Variants in UST observed in about 807,000 individuals in gnomAD.
UST encodes the protein uronyl 2-sulfotransferase.
In UST, 21 loss-of-function variants were observed where a neutral mutation model predicts 45.6. That is an observed-to-expected ratio of 0.46 (90% CI 0.33 to 0.66). UST has a LOEUF of 0.66. UST is among the 30% of genes least tolerant of loss of function. UST has a pLI of 0.02. For synonymous variants in UST, 215 were observed against 200.6 expected (o/e 1.07, Z -0.61); for missense variants, 463 against 512.4 (o/e 0.90, Z 0.93).
chr6:148,874,138 C>A (rs1447821817), intron 1 of UST, among the ~76,000 whole-genome samples: 1 of 152,198 alleles, frequency 6.6e-6, no homozygotes, highest in East Asian at 1.9e-4. Flanking sequence ...GAAACAGAAG[C>A]CTTAAGTGAT....
At chr6:148,878,144 C>CG in intron 1 of UST, among the ~76,000 whole-genome samples, 1 of 22,796 alleles carries the variant, frequency 4.4e-5, no homozygotes, top group East Asian at 1.0e-3. Context: ...TGTAAGAGTG[C>CG]GGGGGTCGTG....
chr6:149,022,758 G>A (rs17730964), intron 7 of UST, among the ~76,000 whole-genome samples: 3,862 of 152,238 alleles, frequency 0.025, 67 homozygotes, highest in Non-Finnish European at 0.038. Flanking sequence ...CCTGGATCCC[G>A]TTGCACAAGG....
intron 7 of UST, among the ~76,000 whole-genome samples, chr6:149,072,142 G>A (rs1776828113): frequency 6.6e-6 from 1 of 152,196 alleles, no homozygotes; most frequent in Admixed American, 6.5e-5. Context: ...TAATTTGGCA[G>A]TTCTTCAAAA....
intron 3 of UST, among the ~76,000 whole-genome samples, chr6:148,950,278 T>C (rs1276585376): frequency 1.3e-5 from 2 of 152,220 alleles, no homozygotes; most frequent in Admixed American, 6.5e-5. Context: ...ATGCTGATGC[T>C]GCAGGTCTGG....
rs971217367 is a variant in UST at position 149,074,879 on chromosome 6, T to A, written c.*763T>A. 4 of 152,414 alleles carry A rather than the reference T, an allele frequency of 2.6e-5. No individual in the cohort carries two copies. Among genetic ancestry groups the A allele is most frequent in the African/African-American group, 9.7e-5 (4 of 41,436 alleles). The allele number at this position is 152,414 out of a possible 1,614,324, so 9.4% of individuals were successfully genotyped here. A position where few individuals can be genotyped will look rare whatever the true frequency, so the allele number is the denominator to read the frequency against. On this transcript the variant is annotated 3_prime_UTR_variant, in exon 8 of 8. Transcript: ENST00000367463. ...ATCTCTGAAAGAGCAAGTCAGCTTG[T>A]GCCGCATCCCCAACCAATCCACAGC...
At chr6:148,807,108 C>G (rs1224505734) in intron 1 of UST, among the ~76,000 whole-genome samples, 2 of 152,056 alleles carry the variant, frequency 1.3e-5, no homozygotes, top group African/African-American at 4.8e-5. Flanking sequence ...AGGAGTGGAG[C>G]GAAGGAAAAA....
intron 3 of UST, among the ~76,000 whole-genome samples, chr6:148,952,430 G>T (rs1486548326): frequency 6.6e-6 from 1 of 152,192 alleles, no homozygotes; most frequent in Non-Finnish European, 1.5e-5. Context: ...TATGAACTGC[G>T]AGTCATTTAC....
chr6:148,891,441 A>G (rs1276574519), intron 2 of UST, among the ~76,000 whole-genome samples: 2 of 152,244 alleles, frequency 1.3e-5, no homozygotes, highest in Non-Finnish European at 2.9e-5. Flanking sequence ...TGTGTGCCAC[A>G]CACTATGCTA....
In UST at chr6:149,071,396, A is replaced by G. The variant is rs537678346; in HGVS notation, c.938-2437A>G. 3.9e-5 allele frequency among the ~76,000 whole-genome samples: 6 copies of G among 152,344 alleles called. 1 individual carries two copies. The South Asian group carries it at 1.2e-3, about 32-fold the overall frequency. ...TACCTATTCAAATTTGTTGACAAAA[A>G]TTTTAGTCAAAAGCAAGATTATAAA... is the stretch of plus-strand genomic sequence containing the variant. On this transcript the variant is annotated intron_variant, in intron 7 of 7. Coordinates refer to ENST00000367463, the MANE Select transcript of UST (RefSeq NM_005715.3).
intron 5 of UST, among the ~76,000 whole-genome samples, chr6:149,009,984 T>C (rs1363390977): frequency 6.6e-6 from 1 of 151,866 alleles, no homozygotes; most frequent in East Asian, 1.9e-4. Flanking sequence ...TAAATTTATT[T>C]TCTTCCCATC....
intron 1 of UST, among the ~76,000 whole-genome samples, chr6:148,769,316 A>G (rs1776376359): frequency 6.6e-6 from 1 of 152,264 alleles, no homozygotes; most frequent in Admixed American, 6.5e-5. Flanking sequence ...CACCACAGAC[A>G]TTTAAAGGCC....
At chr6:148,968,467 G>A (rs1249583640) in intron 5 of UST, among the ~76,000 whole-genome samples, 1 of 152,246 alleles carries the variant, frequency 6.6e-6, no homozygotes, top group Non-Finnish European at 1.5e-5. Flanking sequence ...AAGCTCCCCA[G>A]TGTGGAGGTG....
intron 7 of UST, 50 bp downstream of exon 7, chr6:149,021,531 G>A: frequency 6.3e-7 from 1 of 1,595,898 alleles, no homozygotes; most frequent in Non-Finnish European, 8.6e-7. Flanking sequence ...CTGTGTCCAG[G>A]GCTACTCACC....
At chr6:148,969,643 T>A (rs934718894) in intron 5 of UST, among the ~76,000 whole-genome samples, 7 of 152,156 alleles carry the variant, frequency 4.6e-5, no homozygotes, top group South Asian at 2.1e-4. Flanking sequence ...CGTTACTGGC[T>A]CCACATGACC....
intron 7 of UST, among the ~76,000 whole-genome samples, chr6:149,055,511 A>T (rs1776549279): frequency 1.3e-5 from 2 of 152,090 alleles, no homozygotes; most frequent in African/African-American, 4.8e-5. Context: ...GAATGCTTTG[A>T]ATGTCATTCA....
At chr6:148,806,619 G>A (rs982491467) in intron 1 of UST, among the ~76,000 whole-genome samples, 2 of 152,214 alleles carry the variant, frequency 1.3e-5, no homozygotes, top group African/African-American at 2.4e-5. Context: ...GATTACAGGC[G>A]TGAGCCATCG....
intron 1 of UST, among the ~76,000 whole-genome samples, chr6:148,786,700 T>C (rs763168641): frequency 1.3e-5 from 2 of 152,314 alleles, no homozygotes; most frequent in South Asian, 4.1e-4. Context: ...AATGAACATA[T>C]GCGTGCATGT....
intron 7 of UST, among the ~76,000 whole-genome samples, chr6:149,021,918 C>T (rs1459628708): frequency 2.0e-5 from 3 of 152,192 alleles, no homozygotes; most frequent in Non-Finnish European, 4.4e-5. Context: ...GTGATGAATT[C>T]TCTCTGGCCC....
At chr6:148,762,498 T>C (rs1776239893) in intron 1 of UST, among the ~76,000 whole-genome samples, 1 of 151,926 alleles carries the variant, frequency 6.6e-6, no homozygotes. Flanking sequence ...CAGGAGAAAC[T>C]GCTAGAGCTG....
Sources: allele counts gnomAD v4.1 joint callset (sites outside exome capture counted in the v4.1 genomes callset), GRCh38; gene constraint gnomAD v4.1.1; transcripts MANE v1.5; gene names NCBI Gene and HGNC (gene_info 2026-07-23, HGNC 2026-07-21).